The following CFAP47 variants were observed in gnomAD, a reference collection of about 807,000 sequenced individuals.
The protein encoded by CFAP47 is cilia- and flagella-associated protein 47.
A neutral mutation model predicts 148.1 loss-of-function variants in CFAP47; 29 were observed. The observed-to-expected ratio is 0.20, with a 90% confidence interval of 0.15 to 0.27. CFAP47 has a LOEUF of 0.27. CFAP47 is among the 10% of genes least tolerant of loss of function. The probability of loss-of-function intolerance (pLI) is 1.00; values close to 1 mark genes in which losing one functional copy is unlikely to be tolerated. For missense variants in CFAP47, 1,872 were observed against 1,697.5 expected (o/e 1.10, Z -1.81); for synonymous variants, 664 against 577.3 (o/e 1.15, Z -2.15).
chrX:36,258,722 G>C (rs1555999483), intron 49 of CFAP47, among the ~76,000 whole-genome samples: 1 of 111,625 alleles, frequency 9.0e-6, no homozygotes, highest in Non-Finnish European at 1.9e-5. Flanking sequence ...TTATGTACCT[G>C]ATACCACTTT....
At chrX:36,193,100 C>T (rs1939882734) in intron 42 of CFAP47, among the ~76,000 whole-genome samples, 1 of 112,067 alleles carries the variant, frequency 8.9e-6, no homozygotes, top group Non-Finnish European at 1.9e-5. Context: ...TCTTTCCACT[C>T]TCAGTCATTT....
intron 8 of CFAP47, among the ~76,000 whole-genome samples, chrX:35,957,207 C>CAAAAAAAA (rs371147219): frequency 3.0e-5 from 1 of 33,692 alleles, no homozygotes; most frequent in Non-Finnish European, 6.8e-5. Context: ...GACTCCATCT[C>CAAAAAAAA]AAAAAAAAAA....
rs57263645 is a variant in CFAP47 at position 36,145,197 on chromosome X, G to A, written c.5536-22G>A. The A allele has an allele frequency of 4.3e-4, 122 of 285,737 alleles. No individual in the cohort carries two copies. The South Asian group carries it at 8.6e-3, about 20-fold the overall frequency. The allele number at this position is 285,737 out of a possible 1,213,427, so 23.5% of individuals were successfully genotyped here. A position where few individuals can be genotyped will look rare whatever the true frequency, so the allele number is the denominator to read the frequency against. The stretch of plus-strand genomic sequence containing the variant: ...TCTAACTAATGCATCCTCTAATTTC[G>A]ATTTATCTTCTTTGAAACTAGGCCA... On this transcript the variant is annotated intron_variant, in intron 35 of 63. Coordinates refer to ENST00000378653, the MANE Select transcript of CFAP47 (RefSeq NM_001304548.2).
At chrX:35,986,498 C>T (rs1936716986) in intron 15 of CFAP47, among the ~76,000 whole-genome samples, 1 of 109,219 alleles carries the variant, frequency 9.2e-6, no homozygotes, top group African/African-American at 3.3e-5. Flanking sequence ...TTCTAGTTAA[C>T]AGTTCCTCTA....
chrX:36,064,530 C>A (rs1187379559), intron 26 of CFAP47, among the ~76,000 whole-genome samples: 1 of 111,452 alleles, frequency 9.0e-6, no homozygotes, highest in Non-Finnish European at 1.9e-5. Flanking sequence ...ATATGTTTAC[C>A]ATTAATTTAC....
At chrX:36,298,556 T>C (rs1423103848) in intron 51 of CFAP47, among the ~76,000 whole-genome samples, 1 of 95,180 alleles carries the variant, frequency 1.1e-5, no homozygotes, top group Admixed American at 1.1e-4. Flanking sequence ...ACTTAAAGTA[T>C]AATAATAAAA....
chrX:36,019,552 A>T (rs1254000020), intron 22 of CFAP47, among the ~76,000 whole-genome samples: 1 of 111,745 alleles, frequency 8.9e-6, no homozygotes, highest in Non-Finnish European at 1.9e-5. Flanking sequence ...AAGCAATGTG[A>T]AGCTATGCAA....
At chrX:36,144,816 GTT>G (rs1939206738) in intron 35 of CFAP47, 6 of 1,023,553 alleles carry the variant, frequency 5.9e-6, no homozygotes, top group Non-Finnish European at 7.7e-6. Context: ...CTGATTCCAG[GTT>G]TTTCAGCCTT....
chrX:36,249,543 A>C (rs1345810469), intron 48 of CFAP47, among the ~76,000 whole-genome samples: 1 of 111,292 alleles, frequency 9.0e-6, no homozygotes, highest in Non-Finnish European at 1.9e-5. Context: ...CAAAGAAAAC[A>C]CAGTCTTAGA....
intron 41 of CFAP47, among the ~76,000 whole-genome samples, chrX:36,189,260 A>G (rs1452943183): frequency 9.0e-6 from 1 of 110,744 alleles, no homozygotes; most frequent in East Asian, 2.9e-4. Context: ...CTCGCGGTCA[A>G]ATGGAGGCTG....
At chrX:36,003,967 CTTTTTT>C (rs761024902) in intron 21 of CFAP47, among the ~76,000 whole-genome samples, 2 of 66,394 alleles carry the variant, frequency 3.0e-5, no homozygotes, top group African/African-American at 1.3e-4. Flanking sequence ...CTTTCTTTTT[CTTTTTT>C]TTTTTTTTTT....
At chrX:36,280,185 G>A (rs1358955022) in intron 49 of CFAP47, among the ~76,000 whole-genome samples, 1 of 110,968 alleles carries the variant, frequency 9.0e-6, no homozygotes, top group Non-Finnish European at 1.9e-5. Context: ...GGGGCAATAA[G>A]TATTCTGAAA....
intron 39 of CFAP47, among the ~76,000 whole-genome samples, chrX:36,171,029 G>C (rs1308311781): frequency 4.5e-5 from 5 of 111,002 alleles, no homozygotes; most frequent in African/African-American, 1.6e-4. Flanking sequence ...GTTTTGATTT[G>C]CATTTCTCTG....
chrX:36,002,347 G>C (rs1044543901), intron 21 of CFAP47, among the ~76,000 whole-genome samples: 2 of 110,807 alleles, frequency 1.8e-5, no homozygotes, highest in Admixed American at 1.9e-4. Context: ...AGCACTTTGG[G>C]AGGCCGATGC....
At chrX:36,044,228 A>G (rs916305293) in intron 25 of CFAP47, among the ~76,000 whole-genome samples, 1 of 113,148 alleles carries the variant, frequency 8.8e-6, no homozygotes, top group Non-Finnish European at 1.9e-5. Flanking sequence ...ATGAAGATCT[A>G]TGACATGCCC....
intron 16 of CFAP47, 88 bp from the exon 17 acceptor site, chrX:35,991,733 G>T (rs1315983788): frequency 3.6e-6 from 1 of 278,193 alleles, no homozygotes; most frequent in African/African-American, 2.8e-5. Context: ...TTCAAAATTA[G>T]AATATTTTTG....
intron 63 of CFAP47, among the ~76,000 whole-genome samples, chrX:36,381,340 C>A (rs1311675389): frequency 9.0e-6 from 1 of 111,611 alleles, no homozygotes; most frequent in Non-Finnish European, 1.9e-5. Context: ...ATAAATGGAA[C>A]CATTAAATCA....
chrX:36,039,674 C>A (rs1440366256), intron 25 of CFAP47, among the ~76,000 whole-genome samples: 5 of 111,701 alleles, frequency 4.5e-5, no homozygotes, highest in Non-Finnish European at 7.5e-5. Flanking sequence ...AAGTTGTTGA[C>A]AGAATTGATT....
chrX:36,193,648 G>A (rs145992645), intron 42 of CFAP47, among the ~76,000 whole-genome samples: 93 of 110,825 alleles, frequency 8.4e-4, no homozygotes, highest in Non-Finnish European at 1.4e-3. Context: ...TGCCAATATG[G>A]GGGCAGGTTA....
Sources: allele counts gnomAD v4.1 joint callset (sites outside exome capture counted in the v4.1 genomes callset), GRCh38; gene constraint gnomAD v4.1.1; transcripts MANE v1.5; gene names NCBI Gene and HGNC (gene_info 2026-07-23, HGNC 2026-07-21).